CHLSN: variants seen among roughly 807,000 people sequenced by gnomAD.
CHLSN encodes the protein cholesin.
chr7:991,645 G>A, the CHLSN span, among the ~76,000 whole-genome samples: 3 of 152,356 alleles, frequency 2.0e-5, no homozygotes, highest in Non-Finnish European at 4.4e-5. Context: ...GGCACGGATG[G>A]GACAGGCCAC....
At chr7:1,014,903 GC>G in the CHLSN span, among the ~76,000 whole-genome samples, 1 of 152,234 alleles carries the variant, frequency 6.6e-6, no homozygotes, top group South Asian at 2.1e-4. Context: ...CTTCCTGCCT[GC>G]GGGCCCTCCC....
the CHLSN span, among the ~76,000 whole-genome samples, chr7:1,047,852 TTGGATCACTCGCCTTGG>T: frequency 2.0e-5 from 3 of 152,178 alleles, no homozygotes; most frequent in South Asian, 2.1e-4. Context: ...AGTGGGGAAA[TTGGATCACTCGCCTTGG>T]TGGATCACTC....
chr7:983,545 G>T, the CHLSN span, among the ~76,000 whole-genome samples: 2 of 152,248 alleles, frequency 1.3e-5, no homozygotes, highest in Non-Finnish European at 2.9e-5. Flanking sequence ...GCTTTTGGGA[G>T]GGGAAAGCCA....
At chr7:980,641 G>A in the CHLSN span, among the ~76,000 whole-genome samples, 2 of 151,728 alleles carry the variant, frequency 1.3e-5, no homozygotes, top group South Asian at 4.2e-4. Context: ...AACACGTACA[G>A]GCAGCCGTTA....
At chr7:1,020,315 C>G in the CHLSN span, among the ~76,000 whole-genome samples, 2 of 152,178 alleles carry the variant, frequency 1.3e-5, no homozygotes, top group East Asian at 1.9e-4. Context: ...CTCCTGCAGC[C>G]TGGGGCCCCG....
At chr7:1,067,706 C>T in the CHLSN span, among the ~76,000 whole-genome samples, 1 of 126,748 alleles carries the variant, frequency 7.9e-6, no homozygotes, top group African/African-American at 3.3e-5. Context: ...GGCTGGAATA[C>T]ACCCAGAGGT....
chr7:1,098,790 A>G, the CHLSN span, among the ~76,000 whole-genome samples: 8 of 152,258 alleles, frequency 5.3e-5, no homozygotes, highest in East Asian at 1.5e-3. Context: ...ACAGGTCCAC[A>G]GGACAGAAGG....
chr7:1,104,035 T>C, the CHLSN span, among the ~76,000 whole-genome samples: 1 of 152,186 alleles, frequency 6.6e-6, no homozygotes. Context: ...ACCAGCCCCG[T>C]GCTAGCACCC....
chr7:1,012,387 C>T, the CHLSN span, among the ~76,000 whole-genome samples: 1 of 152,248 alleles, frequency 6.6e-6, no homozygotes, highest in Non-Finnish European at 1.5e-5. Flanking sequence ...CGAGGGGAAC[C>T]CAGGCCGTCC....
chr7:1,075,363 T>C, the CHLSN span, among the ~76,000 whole-genome samples: 2 of 151,698 alleles, frequency 1.3e-5, no homozygotes, highest in African/African-American at 2.4e-5. Flanking sequence ...ATACAAAAAT[T>C]AGCCGGGGAA....
chr7:988,954 C>T, the CHLSN span: 4 of 621,610 alleles, frequency 6.4e-6, no homozygotes, highest in Non-Finnish European at 1.1e-5. Flanking sequence ...CACCCCCACC[C>T]CCACAGGGTC....
the CHLSN span, among the ~76,000 whole-genome samples, chr7:1,080,676 A>C: frequency 7.9e-5 from 12 of 152,242 alleles, no homozygotes; most frequent in African/African-American, 2.9e-4. Flanking sequence ...CTCAGAAATG[A>C]TCATCTGAAA....
At chr7:1,093,343 C>A in the CHLSN span, 1 of 423,848 alleles carries the variant, frequency 2.4e-6, no homozygotes, top group Non-Finnish European at 5.0e-6. Flanking sequence ...CGCGGTGTGT[C>A]CTCTGTGCCC....
the CHLSN span, among the ~76,000 whole-genome samples, chr7:1,063,011 G>GGCCT: frequency 2.4e-4 from 36 of 152,008 alleles, no homozygotes; most frequent in Admixed American, 2.4e-3. Context: ...AATCGCTCTG[G>GGCCT]GCCTGCCTGG....
At chr7:1,124,727 A>AT in the CHLSN span, among the ~76,000 whole-genome samples, 6 of 150,112 alleles carry the variant, frequency 4.0e-5, no homozygotes, top group African/African-American at 1.5e-4. Context: ...AAAAAATAAA[A>AT]AAAATTTTAA....
the CHLSN span, among the ~76,000 whole-genome samples, chr7:1,063,150 T>C: frequency 2.0e-5 from 3 of 152,266 alleles, no homozygotes; most frequent in Admixed American, 2.0e-4. Flanking sequence ...CTTGACTCGC[T>C]GGGGGACCAC....
the CHLSN span, among the ~76,000 whole-genome samples, chr7:1,136,283 TATAA>T: frequency 2.6e-5 from 3 of 115,966 alleles, no homozygotes; most frequent in African/African-American, 3.5e-5. Context: ...ATAAAATATA[TATAA>T]ATATATATAA....
At chr7:980,295 C>G in the CHLSN span, among the ~76,000 whole-genome samples, 1 of 151,798 alleles carries the variant, frequency 6.6e-6, no homozygotes, top group African/African-American at 2.4e-5. Context: ...CTGCATTCCT[C>G]CTGGTCACAG....
the CHLSN span, among the ~76,000 whole-genome samples, chr7:1,072,176 T>C: frequency 1.3e-5 from 2 of 152,190 alleles, no homozygotes; most frequent in Admixed American, 6.5e-5. Context: ...CACCTCCCCA[T>C]GGTCCTGGAG....
Sources: gnomAD v4.1 joint callset for allele counts (sites outside exome capture counted in the v4.1 genomes callset) on GRCh38, gnomAD v4.1.1 for gene constraint, MANE v1.5 for transcripts, NCBI Gene and HGNC (gene_info 2026-07-23, HGNC 2026-07-21) for gene names.